The following BANP variants were observed in gnomAD, a reference collection of about 807,000 sequenced individuals.
BANP encodes the protein protein BANP.
A neutral mutation model predicts 68.1 loss-of-function variants in BANP; 11 were observed. The ratio of observed to expected loss-of-function variants is 0.16; its 90% CI spans 0.10 to 0.27. BANP has a LOEUF of 0.27. Among genes scored for constraint, BANP ranks in the 10% least tolerant of loss-of-function variants. The pLI, the probability that BANP is intolerant of heterozygous loss-of-function variation, is 1.00. For missense variants in BANP, 504 were observed against 722.7 expected (o/e 0.70, Z 3.47); for synonymous variants, 329 against 303.2 (o/e 1.09, Z -0.88).
At chr16:88,010,127 C>G (rs543062495) in intron 6 of BANP, among the ~76,000 whole-genome samples, 1 of 152,314 alleles carries the variant, frequency 6.6e-6, no homozygotes, top group South Asian at 2.1e-4. Flanking sequence ...TTGTTTTGTA[C>G]TTGAAAGTGT....
In BANP at chr16:88,039,522, G is replaced by A. The variant is rs144131744; in HGVS notation, c.1311+1511G>A. Among the ~76,000 whole-genome samples the A allele has an allele frequency of 1.1e-3, 154 of 143,962 alleles. 5 individuals carry two copies. Among genetic ancestry groups the A allele is most frequent in the Middle Eastern group, 0.01 (3 of 290 alleles). The allele number at this position is 143,962 out of a possible 152,430, so 94.4% of individuals were successfully genotyped here. ...TTAATTCCTAGGAAAAGTAAGGCAC[G>A]TCACCTTCGACATTCCCTTGTTCCT... is the stretch of plus-strand genomic sequence containing the variant. On this transcript the variant is annotated intron_variant, in intron 11 of 13. Transcript: ENST00000682872.
rs2079450361 is a variant in BANP, at chr16:88,036,699, C to G, written c.1273-1274C>G. ...GACTGGGAATGAGTGGGCTCATCCA[C>G]ACAGCGACATGACCAGGTCACTAAG... On this transcript the variant is annotated intron_variant, in intron 10 of 13. Coordinates refer to ENST00000682872, the MANE Select transcript of BANP (RefSeq NM_001386991.1). This position sits in a 1 kb window ranked among gnomAD's most constrained non-coding sequence, Gnocchi z 4.2. 6.6e-6 allele frequency among the ~76,000 whole-genome samples: 1 copy of G among 152,126 alleles called. No individual in the cohort carries two copies. Among genetic ancestry groups the G allele is most frequent in the South Asian group, 2.1e-4 (1 of 4,826 alleles).
At position 88,057,172 on chromosome 16, in the gene BANP, C is replaced by T. The variant is rs1465228075; in HGVS notation, c.1312-8095C>T. ...CTGCCTTTTCTGGTGGGCGGGCCTG[C>T]CGTGTTGTGGTGGGGAGCGACTTCA... On this transcript the variant is annotated intron_variant, in intron 11 of 13. Transcript: ENST00000682872. This position sits in a 1 kb window ranked among gnomAD's most constrained non-coding sequence, Gnocchi z 4.6. 6.6e-6 allele frequency among the ~76,000 whole-genome samples: 1 copy of T among 152,092 alleles called. No homozygotes were observed. The highest frequency in any genetic ancestry group is 1.5e-5 in the Non-Finnish European group (1 of 68,024).
intron 4 of BANP, among the ~76,000 whole-genome samples, chr16:87,987,734 AAAAAAG>A (rs1235159432): frequency 1.7e-4 from 25 of 149,812 alleles, no homozygotes; most frequent in African/African-American, 6.1e-4. Context: ...AAAAAAAAAA[AAAAAAG>A]GATGTTATTA....
chr16:88,071,696 G>A lies in BANP; in HGVS notation c.1378-373G>A, dbSNP rs201747987. The stretch of plus-strand genomic sequence containing the variant: ...TTTAGGCCTCAGTGGCACTCTGGGA[G>A]CGCTTGTGCTCTTCATGGTTGCCAC... On this transcript the variant is annotated intron_variant, in intron 12 of 13. Transcript: ENST00000682872. This position sits in a 1 kb window ranked among gnomAD's most constrained non-coding sequence, Gnocchi z 6.5. The A allele has an allele frequency of 7.4e-4, 368 of 495,676 alleles. 1 individual carries two copies. Among genetic ancestry groups the A allele is most frequent in the Admixed American group, 2.5e-4 (11 of 43,540 alleles). The allele number at this position is 495,676 out of a possible 1,614,324, so 30.7% of individuals were successfully genotyped here. A position where few individuals can be genotyped will look rare whatever the true frequency, so the allele number is the denominator to read the frequency against.
chr16:88,047,056 A>G (rs1350284560), intron 11 of BANP, among the ~76,000 whole-genome samples: 2 of 145,612 alleles, frequency 1.4e-5, no homozygotes, highest in Non-Finnish European at 3.0e-5. Flanking sequence ...ACATAGCGAG[A>G]CTCCGTCTCA....
Position 87,975,098 on chromosome 16 carries a change from C to T in BANP, c.-18C>T, listed in dbSNP as rs1223899724. The T allele has an allele frequency of 6.3e-7, 1 of 1,589,570 alleles. No individual in the cohort carries two copies. The highest frequency in any genetic ancestry group is 1.4e-5 in the African/African-American group (1 of 71,966). ...AGTTGAACTCTTTCGTGTTGACCGG[C>T]CACTCTCCGTGCTCTGGATGATGTC... On this transcript the variant is annotated 5_prime_UTR_variant, in exon 2 of 14. Transcript: ENST00000682872.
intron 11 of BANP, among the ~76,000 whole-genome samples, chr16:88,052,994 C>T (rs925930263): frequency 2.0e-5 from 3 of 151,362 alleles, no homozygotes; most frequent in Non-Finnish European, 2.9e-5. Context: ...CCACTTCTAC[C>T]ACTACCATCT....
intron 11 of BANP, among the ~76,000 whole-genome samples, chr16:88,063,115 C>T (rs1175263586): frequency 1.3e-5 from 2 of 152,240 alleles, no homozygotes; most frequent in African/African-American, 2.4e-5. Flanking sequence ...CCTGCAGCAG[C>T]GCAGCCAAGC....
At chr16:88,032,635 A>T (rs558457717) in intron 8 of BANP, among the ~76,000 whole-genome samples, 6 of 152,400 alleles carry the variant, frequency 3.9e-5, no homozygotes, top group Admixed American at 2.6e-4. Flanking sequence ...ATTATGATTG[A>T]GACATCATTA....
At chr16:87,995,502 C>G (rs1230373005) in intron 4 of BANP, among the ~76,000 whole-genome samples, 3 of 152,094 alleles carry the variant, frequency 2.0e-5, no homozygotes, top group African/African-American at 7.2e-5. Context: ...TTCTTTTTAC[C>G]TGGCTGTTGT....
rs2087807550 is a variant in BANP at position 88,064,286 on chromosome 16, C to T, written c.1312-981C>T. ...GGCGGGGCCTGCCTCCGTGGCAGCG[C>T]TCCCAGCACCCTGTGCGTCCCTTGC... On this transcript the variant is annotated intron_variant, in intron 11 of 13. Transcript: ENST00000682872. The surrounding 1 kb of genome is among the most constrained non-coding windows in gnomAD (Gnocchi z 4.5). 6.6e-6 allele frequency among the ~76,000 whole-genome samples: 1 copy of T among 152,220 alleles called. No homozygotes were observed. The highest frequency in any genetic ancestry group is 2.4e-5 in the African/African-American group (1 of 41,470).
rs2088216957 is a variant in BANP, at chr16:88,065,346, A to G, written c.1377+14A>G. 2.6e-6 allele frequency: 2 copies of G among 767,378 alleles called. No homozygotes were observed. Among genetic ancestry groups the G allele is most frequent in the Admixed American group, 1.7e-5 (1 of 58,478 alleles). 47.5% of individuals were successfully genotyped at this position (767,378 alleles called of 1,614,324 possible). A position where few individuals can be genotyped will look rare whatever the true frequency, so the allele number is the denominator to read the frequency against. On this transcript the variant is annotated intron_variant, in intron 12 of 13. Coordinates refer to ENST00000682872, the MANE Select transcript of BANP (RefSeq NM_001386991.1). ...AGCAGTGGCCAGGTGAGTCCTTTGTACATCCCATCTCTCCCACCCTCTGTG... is the reference window on the plus strand; with the variant it reads ...AGCAGTGGCCAGGTGAGTCCTTTGTGCATCCCATCTCTCCCACCCTCTGTG...
At position 88,038,085 on chromosome 16, in the gene BANP, G is replaced by T. The variant is rs2079828821; in HGVS notation, c.1311+74G>T. The T allele has an allele frequency of 2.2e-6, 3 of 1,377,306 alleles. No homozygotes were observed. In the African/African-American group the frequency reaches 4.4e-5, roughly 20 times the overall value. 85.3% of individuals were successfully genotyped at this position (1,377,306 alleles called of 1,614,324 possible). The stretch of plus-strand genomic sequence containing the variant: ...ATGGGGTTCTCAGGGGAGGGGGTGG[G>T]ACGGTCAGGTGAGTGCCCTGGTCCC... On this transcript the variant is annotated intron_variant, in intron 11 of 13. Coordinates refer to ENST00000682872, the MANE Select transcript of BANP (RefSeq NM_001386991.1).
chr16:88,074,466 T>A (rs1303649631), intron 13 of BANP, among the ~76,000 whole-genome samples: 1 of 151,994 alleles, frequency 6.6e-6, no homozygotes, highest in Non-Finnish European at 1.5e-5. Flanking sequence ...AAGACACTTG[T>A]CTTAATGCGC....
intron 13 of BANP, among the ~76,000 whole-genome samples, chr16:88,072,975 G>A (rs930000340): frequency 1.3e-5 from 2 of 152,338 alleles, no homozygotes; most frequent in Admixed American, 6.5e-5. Flanking sequence ...GGTCTGTTCC[G>A]CTCCTTTCTG....
At chr16:87,953,396 A>G (rs1292311253) in intron 1 of BANP, among the ~76,000 whole-genome samples, 1 of 151,952 alleles carries the variant, frequency 6.6e-6, no homozygotes, top group Non-Finnish European at 1.5e-5. Flanking sequence ...TTTTCTTGAG[A>G]TAGGATCCCC....
intron 12 of BANP, among the ~76,000 whole-genome samples, chr16:88,068,660 C>T (rs976867759): frequency 1.3e-5 from 2 of 151,878 alleles, no homozygotes; most frequent in African/African-American, 4.8e-5. Flanking sequence ...GTGGCAGGAA[C>T]GTGGGTGGCT....
intron 8 of BANP, among the ~76,000 whole-genome samples, chr16:88,029,412 A>C (rs1307110115): frequency 6.6e-6 from 1 of 151,490 alleles, no homozygotes; most frequent in African/African-American, 2.4e-5. Context: ...GATCGAGACC[A>C]TCCTGGCTAA....
Sources: allele counts gnomAD v4.1 joint callset (sites outside exome capture counted in the v4.1 genomes callset), GRCh38; gene constraint gnomAD v4.1.1; non-coding constraint Gnocchi (gnomAD v3.1); transcripts MANE v1.5; gene names NCBI Gene and HGNC (gene_info 2026-07-23, HGNC 2026-07-21).